GLS2: variants seen among roughly 807,000 people sequenced by gnomAD.
GLS2 encodes glutaminase 2.
Under a neutral mutation model 79.0 loss-of-function variants are expected in GLS2, and 52 were observed. That is an observed-to-expected ratio of 0.66 (90% CI 0.53 to 0.83). The LOEUF (loss-of-function observed/expected upper bound fraction) is 0.83. Among genes scored for constraint, GLS2 ranks in the 40% least tolerant of loss-of-function variants. The pLI, the probability that GLS2 is intolerant of heterozygous loss-of-function variation, is 0.00. For synonymous variants in GLS2, 238 were observed against 280.8 expected (o/e 0.85, Z 1.52); for missense variants, 561 against 764.8 (o/e 0.73, Z 3.14).
intron 15 of GLS2, 41 bp from the exon 16 acceptor site, chr12:56,472,236 A>C: frequency 6.4e-7 from 1 of 1,574,390 alleles, no homozygotes; most frequent in Non-Finnish European, 8.7e-7. Flanking sequence ...CCTAGATCAG[A>C]CTGGAATCAC....
intron 1 of GLS2, among the ~76,000 whole-genome samples, chr12:56,486,813 T>C (rs1238956478): frequency 6.6e-6 from 1 of 152,186 alleles, no homozygotes; most frequent in Non-Finnish European, 1.5e-5. Flanking sequence ...TGAGTCGAGA[T>C]GGTGCCACTG....
chr12:56,478,390 TC>T, intron 4 of GLS2, 128 bp from the exon 5 acceptor site: 1 of 906,458 alleles, frequency 1.1e-6, no homozygotes, highest in Non-Finnish European at 1.7e-6. Context: ...AGGGGTTCCC[TC>T]CTGCCTGTTG....
Position 56,480,372 on chromosome 12 carries a change from A to C in GLS2, c.198T>G (p.Ser66Arg). 6.2e-7 allele frequency: 1 copy of C among 1,614,134 alleles called. No individual in the cohort carries two copies. Among genetic ancestry groups the C allele is most frequent in the Admixed American group, 1.7e-5 (1 of 60,022 alleles). Residue 66 changes from serine to arginine, a missense_variant, in exon 2 of 18, where the codon AGT becomes AGG. Ser to Arg is a moderately radical substitution (Grantham distance 110, BLOSUM62 -1). This residue lies in a region of GLS2 where 161 missense variants were observed against 167.8 expected (regional missense o/e 0.96). Coordinates refer to ENST00000311966, the MANE Select transcript of GLS2 (RefSeq NM_013267.4). ...PQHQDHDSSE[S>R]GMLSRLGDLL... Reference sequence around the variant, plus strand: ...AATCACCCAGGCGGGACAGCATGCCACTTTCTGATGAATCACTGTTTGGGG... The same window carrying C: ...AATCACCCAGGCGGGACAGCATGCCCCTTTCTGATGAATCACTGTTTGGGG...
rs372265724 is a variant in GLS2 at position 56,475,944 on chromosome 12, C to T, written c.870+1G>A. 2 of 1,613,724 alleles carry T rather than the reference C, an allele frequency of 1.2e-6. No homozygotes were observed. Among genetic ancestry groups the T allele is most frequent in the East Asian group, 4.5e-5 (2 of 44,876 alleles). On this transcript the variant is annotated splice_donor_variant, in intron 8 of 17. Coordinates refer to ENST00000311966, the MANE Select transcript of GLS2 (RefSeq NM_013267.4). LOFTEE classifies it high-confidence loss of function. ...AGGGGCTAAGTAGCAAGGGAACTTA[C>T]AAAATCAAACTTCTCTGCTTTGTTA...
chr12:56,471,437 T>C lies in GLS2; in HGVS notation c.*50A>G, dbSNP rs755278605. The stretch of plus-strand genomic sequence containing the variant: ...ATTTTTGGTGGTTATGGATTACATG[T>C]GTGGCCAGCTCATGCTTTTTCTTGA... On this transcript the variant is annotated 3_prime_UTR_variant, in exon 18 of 18. Transcript: ENST00000311966. 2 of 1,559,266 alleles carry C rather than the reference T, an allele frequency of 1.3e-6. No individual in the cohort carries two copies. The highest frequency in any genetic ancestry group is 1.7e-6 in the Non-Finnish European group (2 of 1,151,706).
chr12:56,479,788 G>C lies in GLS2; in HGVS notation c.396C>G (p.Leu132=), dbSNP rs1360569519. 6.3e-7 allele frequency: 1 copy of C among 1,598,982 alleles called. No homozygotes were observed. Among genetic ancestry groups the C allele is most frequent in the Non-Finnish European group, 8.5e-7 (1 of 1,170,372 alleles). ...GTTTCTGGGGCCCTCACTTTCGGAA[G>C]AGATCTCGGTCCAAGAGGCCACCAC... ...SSSGGLLDRD[L]FRKCVSSNIV... Residue 132 remains leucine, a synonymous_variant, in exon 3 of 18, where the codon CTC becomes CTG. Transcript: ENST00000311966.
intron 12 of GLS2, 86 bp from the exon 13 acceptor site, chr12:56,473,680 T>A (rs1869519039): frequency 6.7e-7 from 1 of 1,483,106 alleles, no homozygotes; most frequent in African/African-American, 1.4e-5. Context: ...TTAACAAGTT[T>A]ACAAATGACT....
In GLS2 at chr12:56,488,079, C is replaced by T. The variant is rs1870839732; in HGVS notation, c.40G>A (p.Ala14Thr). The T allele has an allele frequency of 1.3e-6, 2 of 1,573,296 alleles. No homozygotes were observed. Among genetic ancestry groups the T allele is most frequent in the Admixed American group, 1.8e-5 (1 of 56,332 alleles). ...CCTCCTCGCCCGCAGTGACTGCCAG[C>T]CCGGCTCAGGGCCTTCTGCAGAGCC... ...MKALQKALSRAGSHCGRGGWG... is the reference protein window; with the variant it reads ...MKALQKALSRTGSHCGRGGWG... The change falls in exon 1 of 18, where the codon GCT (alanine) becomes ACT (threonine). Residue 14 changes from alanine to threonine, a missense_variant. Transcript: ENST00000311966.
chr12:56,486,228 TA>T (rs1870677019), intron 1 of GLS2, among the ~76,000 whole-genome samples: 1 of 152,042 alleles, frequency 6.6e-6, no homozygotes, highest in African/African-American at 2.4e-5. Context: ...GAGGATATGA[TA>T]GGGGGTTCCC....
chr12:56,479,073 G>A lies in GLS2; in HGVS notation c.513C>T (p.Val171=). 6.2e-7 allele frequency: 1 copy of A among 1,612,364 alleles called. No homozygotes were observed. Among genetic ancestry groups the A allele is most frequent in the Non-Finnish European group, 8.5e-7 (1 of 1,179,346 alleles). Residue 171 remains valine, a synonymous_variant, in exon 4 of 18, where the codon GTC becomes GTT. Transcript: ENST00000311966. ...TGHVDRIFED[V]KELTGGKVAA... ...TCACTTTGCCTCCAGTGAGCTCTTT[G>A]ACATCCTCAAAGATGCGATCCACAT...
intron 1 of GLS2, among the ~76,000 whole-genome samples, chr12:56,482,659 T>G (rs1161721959): frequency 6.6e-6 from 1 of 152,248 alleles, no homozygotes; most frequent in African/African-American, 2.4e-5. Flanking sequence ...GCAAGGTCCC[T>G]GTGTCCCAAA....
chr12:56,473,620 A>G (rs1390942934), intron 12 of GLS2, 26 bp from the exon 13 acceptor site: 2 of 1,591,714 alleles, frequency 1.3e-6, no homozygotes, highest in Admixed American at 1.8e-5. Flanking sequence ...GAAGCTGAGG[A>G]TAAAGTGGGT....
chr12:56,480,581 T>A, intron 1 of GLS2, 194 bp from the exon 2 acceptor site: 1 of 563,968 alleles, frequency 1.8e-6, no homozygotes, highest in Non-Finnish European at 3.2e-6. Context: ...TAGCTTTTAC[T>A]CCTGACCTTC....
chr12:56,480,459 G>GGGCT, intron 1 of GLS2, 72 bp from the exon 2 acceptor site: 1 of 1,125,170 alleles, frequency 8.9e-7, no homozygotes, highest in Non-Finnish European at 1.4e-6. Context: ...TCTGCAACAT[G>GGGCT]GGCTTATAAG....
rs1439122973 is a variant in GLS2, at chr12:56,471,464, C to G, written c.*23G>C. The G allele has an allele frequency of 1.3e-6, 2 of 1,591,846 alleles. No homozygotes were observed. The highest frequency in any genetic ancestry group is 1.7e-6 in the Non-Finnish European group (2 of 1,169,784). The stretch of plus-strand genomic sequence containing the variant: ...TGGCCAGCTCATGCTTTTTCTTGAG[C>G]AGGGGCTGTCCATGACCTGTGCTCA... On this transcript the variant is annotated 3_prime_UTR_variant, in exon 18 of 18. Coordinates refer to ENST00000311966, the MANE Select transcript of GLS2 (RefSeq NM_013267.4).
In GLS2 at chr12:56,471,341, C is replaced by T; in HGVS notation, c.*146G>A. ...TGAGGGAATGGGGTATTTTGACTCC[C>T]ATAGAAAGCACTAGCCTAAGTCACC... On this transcript the variant is annotated 3_prime_UTR_variant, in exon 18 of 18. Coordinates refer to ENST00000311966, the MANE Select transcript of GLS2 (RefSeq NM_013267.4). 1 of 832,960 alleles carries T rather than the reference C, an allele frequency of 1.2e-6. No individual in the cohort carries two copies. 51.6% of individuals were successfully genotyped at this position (832,960 alleles called of 1,614,324 possible). A position where few individuals can be genotyped will look rare whatever the true frequency, so the allele number is the denominator to read the frequency against.
At chr12:56,477,445 C>G (rs1308465105) in intron 7 of GLS2, 2 of 480,930 alleles carry the variant, frequency 4.2e-6, no homozygotes, top group Admixed American at 3.6e-5. Context: ...GGGCAGGGAA[C>G]AGTACTGAGT....
chr12:56,478,470 T>G (rs1255675235), intron 4 of GLS2: 5 of 568,484 alleles, frequency 8.8e-6, no homozygotes, highest in African/African-American at 3.8e-5. Context: ...CCTGTAGAGA[T>G]AGCAGTAAAG....
chr12:56,487,707 G>A, intron 1 of GLS2: 2 of 570,158 alleles, frequency 3.5e-6, no homozygotes, highest in Non-Finnish European at 6.1e-6. Flanking sequence ...ACCTTGGACA[G>A]GCGCCATCCC....
Sources: gnomAD v4.1 joint callset for allele counts (sites outside exome capture counted in the v4.1 genomes callset) on GRCh38, gnomAD v4.1.1 for gene constraint, gnomAD v4.1.1 regional missense constraint, MANE v1.5 for transcripts, NCBI Gene and HGNC (gene_info 2026-07-23, HGNC 2026-07-21) for gene names.